The following HS6ST3 variants were observed in gnomAD, a reference collection of about 807,000 sequenced individuals.
The protein encoded by HS6ST3 is heparan-sulfate 6-O-sulfotransferase 3.
Under a neutral mutation model 36.7 loss-of-function variants are expected in HS6ST3, and 12 were observed. The observed-to-expected ratio is 0.33, with a 90% CI of 0.21 to 0.53. HS6ST3 has a LOEUF of 0.53. HS6ST3 is among the 20% of genes least tolerant of loss of function. HS6ST3 has a pLI of 0.95. For synonymous variants in HS6ST3, 240 were observed against 257.5 expected, an observed-to-expected ratio of 0.93 and a Z score of 0.65; for missense variants, 584 against 640.9, an observed-to-expected ratio of 0.91 and a Z score of 0.96.
intron 1 of HS6ST3, among the ~76,000 whole-genome samples, chr13:96,144,102 C>G (rs1478548247): frequency 6.6e-6 from 1 of 152,082 alleles, no homozygotes; most frequent in African/African-American, 2.4e-5. Flanking sequence ...GTTGCTTAAC[C>G]ATATGATTTT....
chr13:96,623,076 G>A (rs1393565108), intron 1 of HS6ST3, among the ~76,000 whole-genome samples: 1 of 151,976 alleles, frequency 6.6e-6, no homozygotes, highest in Admixed American at 6.6e-5. Context: ...TTATTTATCT[G>A]CTGACTCTCA....
At chr13:96,195,490 T>C (rs1010788347) in intron 1 of HS6ST3, among the ~76,000 whole-genome samples, 6 of 152,200 alleles carry the variant, frequency 3.9e-5, no homozygotes, top group Admixed American at 3.3e-4. Context: ...TATCTTCAAG[T>C]GTGTGCATAA....
chr13:96,605,409 T>G (rs1364338792), intron 1 of HS6ST3, among the ~76,000 whole-genome samples: 1 of 152,148 alleles, frequency 6.6e-6, no homozygotes, highest in Non-Finnish European at 1.5e-5. Context: ...CAGGTTTTAT[T>G]TATATCTTTT....
At chr13:96,158,324 A>T (rs1289037594) in intron 1 of HS6ST3, among the ~76,000 whole-genome samples, 1 of 152,072 alleles carries the variant, frequency 6.6e-6, no homozygotes, top group Non-Finnish European at 1.5e-5. Flanking sequence ...TAAATTGGGA[A>T]GAAAAGCTAA....
chr13:96,176,236 G>A (rs1319615602), intron 1 of HS6ST3, among the ~76,000 whole-genome samples: 2 of 152,092 alleles, frequency 1.3e-5, no homozygotes, highest in African/African-American at 4.8e-5. Flanking sequence ...AATTACCTCT[G>A]TAAGATACAA....
chr13:96,208,251 T>C (rs1286101370), intron 1 of HS6ST3, among the ~76,000 whole-genome samples: 1 of 152,194 alleles, frequency 6.6e-6, no homozygotes, highest in Non-Finnish European at 1.5e-5. Context: ...CATGTAGATA[T>C]TTTTCCATTA....
chr13:96,627,898 T>G (rs1482265169), intron 1 of HS6ST3, among the ~76,000 whole-genome samples: 2 of 151,922 alleles, frequency 1.3e-5, no homozygotes, highest in African/African-American at 4.8e-5. Flanking sequence ...AGTTATTGTT[T>G]ATTTGTATAA....
At chr13:96,741,970 T>A (rs1214648882) in intron 1 of HS6ST3, among the ~76,000 whole-genome samples, 1 of 152,134 alleles carries the variant, frequency 6.6e-6, no homozygotes, top group African/African-American at 2.4e-5. Context: ...GATTCATTGG[T>A]TTCCCAAGGT....
rs180915199 is a variant in HS6ST3 at position 96,316,128 on chromosome 13, C to T, written c.707+224559C>T. Among the ~76,000 whole-genome samples, 43 of 152,038 alleles carry T rather than the reference C, an allele frequency of 2.8e-4. No homozygotes were observed. In the East Asian group the frequency reaches 4.8e-3, roughly 17 times the overall value. On this transcript the variant is annotated intron_variant, in intron 1 of 1. Coordinates refer to ENST00000376705, the MANE Select transcript of HS6ST3 (RefSeq NM_153456.4). ...ACCAGTACTTGTGGACCACTATAGA[C>T]GTATAAGGTATAAGATTATATTTAT...
intron 1 of HS6ST3, among the ~76,000 whole-genome samples, chr13:96,234,507 C>T (rs1215695354): frequency 6.6e-6 from 1 of 152,160 alleles, no homozygotes; most frequent in African/African-American, 2.4e-5. Flanking sequence ...AATAGACTCA[C>T]AGTTCCATAT....
intron 1 of HS6ST3, among the ~76,000 whole-genome samples, chr13:96,786,036 A>AG (rs1877639242): frequency 6.6e-6 from 1 of 152,148 alleles, no homozygotes; most frequent in South Asian, 2.1e-4. Context: ...GCCATAACCT[A>AG]GGGGGCTCTA....
chr13:96,254,434 A>G (rs1274043648), intron 1 of HS6ST3, among the ~76,000 whole-genome samples: 59 of 57,140 alleles, frequency 1.0e-3, no homozygotes, highest in Non-Finnish European at 1.8e-3. Flanking sequence ...AAAAAAAAAA[A>G]AAAAAAAAAA....
intron 1 of HS6ST3, among the ~76,000 whole-genome samples, chr13:96,254,757 A>T (rs9525169): frequency 0.6 from 90,481 of 151,486 alleles, 27,231 homozygotes; most frequent in Admixed American, 0.68. Flanking sequence ...GCTCAGAAAC[A>T]GTCTAGCTTA....
intron 1 of HS6ST3, among the ~76,000 whole-genome samples, chr13:96,672,117 A>G (rs191233329): frequency 6.6e-6 from 1 of 152,200 alleles, no homozygotes; most frequent in Admixed American, 6.5e-5. Flanking sequence ...TTCATGATAA[A>G]TATTCTGCAT....
intron 1 of HS6ST3, among the ~76,000 whole-genome samples, chr13:96,636,714 A>G (rs1342119275): frequency 6.6e-6 from 1 of 152,162 alleles, no homozygotes; most frequent in African/African-American, 2.4e-5. Flanking sequence ...CATAAATCTA[A>G]TGAAGTAAAA....
At chr13:96,269,356 A>G (rs1039575961) in intron 1 of HS6ST3, among the ~76,000 whole-genome samples, 16 of 152,068 alleles carry the variant, frequency 1.1e-4, no homozygotes, top group African/African-American at 3.9e-4. Flanking sequence ...TTATTACAAT[A>G]GAAAAATTAG....
intron 1 of HS6ST3, among the ~76,000 whole-genome samples, chr13:96,495,063 G>T (rs941802406): frequency 6.6e-6 from 1 of 151,856 alleles, no homozygotes; most frequent in Non-Finnish European, 1.5e-5. Flanking sequence ...CTCTTATTCT[G>T]TCTTGACATC....
At chr13:96,233,559 G>T (rs2054518270) in intron 1 of HS6ST3, among the ~76,000 whole-genome samples, 1 of 152,194 alleles carries the variant, frequency 6.6e-6, no homozygotes, top group Non-Finnish European at 1.5e-5. Flanking sequence ...AGTGATGAGG[G>T]CTGGAAAGGA....
chr13:96,185,878 A>G (rs9525143), intron 1 of HS6ST3, among the ~76,000 whole-genome samples: 138,737 of 152,174 alleles, frequency 0.91, 63,371 homozygotes, highest in Non-Finnish European at 0.94. Flanking sequence ...GGATATTTGC[A>G]ATGGGAAACG....
Sources: allele counts gnomAD v4.1 joint callset (sites outside exome capture counted in the v4.1 genomes callset), GRCh38; gene constraint gnomAD v4.1.1; transcripts MANE v1.5; gene names NCBI Gene and HGNC (gene_info 2026-07-23, HGNC 2026-07-21).